LRP1B: variants seen among roughly 807,000 people sequenced by gnomAD.
LRP1B encodes low-density lipoprotein receptor-related protein 1B.
A neutral mutation model predicts 556.6 loss-of-function variants in LRP1B; 217 were observed. The ratio of observed to expected loss-of-function variants is 0.39; its 90% CI spans 0.35 to 0.44. The LOEUF (loss-of-function observed/expected upper bound fraction) is 0.44, where lower values mean the gene tolerates loss of function less well. Among genes scored for constraint, LRP1B ranks in the 20% least tolerant of loss-of-function variants. The pLI, the probability that LRP1B is intolerant of heterozygous loss-of-function variation, is 1.00. For missense variants in LRP1B, 5,053 were observed against 5,620.8 expected (o/e 0.90, Z 3.23); for synonymous variants, 2,047 against 1,865.8 (o/e 1.10, Z -2.50).
chr2:140,326,685 G>A (rs1442679318), intron 79 of LRP1B, among the ~76,000 whole-genome samples: 1 of 149,716 alleles, frequency 6.7e-6, no homozygotes, highest in African/African-American at 2.5e-5. Context: ...GCAACAGAGT[G>A]AGACCCCCTG....
intron 7 of LRP1B, among the ~76,000 whole-genome samples, chr2:141,173,825 TTC>T (rs1344959044): frequency 1.3e-5 from 2 of 152,182 alleles, no homozygotes; most frequent in African/African-American, 4.8e-5. Flanking sequence ...AAGTTTGCTC[TTC>T]TCTGTTCTTC....
At chr2:140,272,258 A>AACACACACACACACACAC (rs10654741) in intron 85 of LRP1B, among the ~76,000 whole-genome samples, 89 of 149,430 alleles carry the variant, frequency 6.0e-4, no homozygotes, top group African/African-American at 1.9e-3. Context: ...TGCACACACA[A>AACACACACACACACACAC]ACACACACAC....
intron 7 of LRP1B, among the ~76,000 whole-genome samples, chr2:141,145,692 C>A (rs1701764619): frequency 6.6e-6 from 1 of 151,544 alleles, no homozygotes; most frequent in Non-Finnish European, 1.5e-5. Context: ...CACCACCACG[C>A]CTGGCTAATT....
At chr2:140,521,026 A>C (rs1690148512) in intron 49 of LRP1B, among the ~76,000 whole-genome samples, 1 of 151,974 alleles carries the variant, frequency 6.6e-6, no homozygotes, top group African/African-American at 2.4e-5. Context: ...GAAAATGAAC[A>C]AAGCTTTTGA....
At chr2:140,406,636 G>C (rs1481738796) in intron 66 of LRP1B, among the ~76,000 whole-genome samples, 2 of 151,972 alleles carry the variant, frequency 1.3e-5, no homozygotes, top group East Asian at 3.8e-4. Flanking sequence ...ACTTAATAAA[G>C]GAGGTGAAAA....
At chr2:141,395,860 C>A (rs1690222636) in intron 3 of LRP1B, among the ~76,000 whole-genome samples, 2 of 152,042 alleles carry the variant, frequency 1.3e-5, no homozygotes, top group Admixed American at 6.6e-5. Context: ...AACCAGATCC[C>A]AAAGCGATAA....
At position 140,583,469 on chromosome 2, in the gene LRP1B, C is replaced by T. The variant is rs556443037; in HGVS notation, c.7194+15162G>A. On this transcript the variant is annotated intron_variant, in intron 43 of 90. Coordinates refer to ENST00000389484, the MANE Select transcript of LRP1B (RefSeq NM_018557.3). Reference sequence around the variant, plus strand: ...GGTATTACAGGCGTGAGCCACTGTGCCCAGCCAGTTTCTCCTTTAATATGT... The same window carrying T: ...GGTATTACAGGCGTGAGCCACTGTGTCCAGCCAGTTTCTCCTTTAATATGT... 5.9e-5 allele frequency among the ~76,000 whole-genome samples: 9 copies of T among 152,012 alleles called. 1 individual carries two copies. The South Asian group carries it at 1.9e-3, about 32-fold the overall frequency.
intron 3 of LRP1B, among the ~76,000 whole-genome samples, chr2:141,273,732 G>A (rs1685176303): frequency 6.6e-6 from 1 of 152,112 alleles, no homozygotes; most frequent in Non-Finnish European, 1.5e-5. Context: ...ACATGCATTG[G>A]ACTTAACAAA....
intron 1 of LRP1B, among the ~76,000 whole-genome samples, chr2:142,128,046 C>G (rs1254441727): frequency 6.6e-6 from 1 of 152,006 alleles, no homozygotes; most frequent in Non-Finnish European, 1.5e-5. Flanking sequence ...GTAATAAAAA[C>G]TTACATGTAC....
intron 2 of LRP1B, among the ~76,000 whole-genome samples, chr2:141,516,651 T>C (rs1380844401): frequency 2.0e-5 from 3 of 150,986 alleles, no homozygotes; most frequent in Non-Finnish European, 4.4e-5. Flanking sequence ...TACAATGAAG[T>C]ATTCCACCGG....
chr2:141,547,073 C>T (rs1327617441), intron 2 of LRP1B, among the ~76,000 whole-genome samples: 1 of 152,114 alleles, frequency 6.6e-6, no homozygotes, highest in African/African-American at 2.4e-5. Flanking sequence ...CCAGTATTGT[C>T]GTAGGTAAAC....
intron 3 of LRP1B, among the ~76,000 whole-genome samples, chr2:141,289,672 A>G (rs965166337): frequency 6.6e-6 from 1 of 152,178 alleles, no homozygotes; most frequent in Non-Finnish European, 1.5e-5. Context: ...TTACATGTAC[A>G]TAGTGCATTT....
chr2:140,575,786 A>G (rs1210650098), intron 43 of LRP1B, among the ~76,000 whole-genome samples: 1 of 151,812 alleles, frequency 6.6e-6, no homozygotes, highest in African/African-American at 2.4e-5. Flanking sequence ...TTAGCTGTGC[A>G]TGGTGGTGTG....
At chr2:141,022,095 A>G (rs553901910) in intron 11 of LRP1B, among the ~76,000 whole-genome samples, 15 of 151,918 alleles carry the variant, frequency 9.9e-5, no homozygotes, top group African/African-American at 3.1e-4. Context: ...TAAAAATAGT[A>G]TATAAATAAA....
intron 6 of LRP1B, among the ~76,000 whole-genome samples, chr2:141,195,898 G>T (rs1176037807): frequency 6.6e-6 from 1 of 152,008 alleles, no homozygotes; most frequent in Non-Finnish European, 1.5e-5. Context: ...GCCATCCTGA[G>T]AAGGATGGTA....
chr2:141,207,681 G>A (rs1342990748), intron 6 of LRP1B, among the ~76,000 whole-genome samples: 2 of 150,412 alleles, frequency 1.3e-5, no homozygotes, highest in East Asian at 1.9e-4. Context: ...TTTTGTTTTT[G>A]TTTTTGTTTT....
intron 83 of LRP1B, among the ~76,000 whole-genome samples, chr2:140,312,539 C>G (rs186746358): frequency 6.6e-6 from 1 of 151,994 alleles, no homozygotes; most frequent in Non-Finnish European, 1.5e-5. Flanking sequence ...TTAATGATAT[C>G]TATGATGCAT....
At chr2:141,862,420 G>A (rs77279465) in intron 1 of LRP1B, among the ~76,000 whole-genome samples, 1,788 of 152,036 alleles carry the variant, frequency 0.012, 48 homozygotes, top group African/African-American at 0.041. Flanking sequence ...CTGAAATTAC[G>A]TGAAAAAAAA....
In LRP1B at chr2:140,951,911, A is replaced by G; in HGVS notation, c.2917T>C (p.Phe973Leu). Reference protein sequence around the residue: ...EFPTCEPLTQFVCKSGRCISS... With the variant: ...EFPTCEPLTQLVCKSGRCISS... ...ATGCATCTTCCACTTTTGCATACGA[A>G]TTGGGTTAGTGGCTCACAAGTTGGG... The change falls in exon 19 of 91, where the codon TTC becomes CTC. Residue 973 changes from phenylalanine to leucine, a missense_variant. Physicochemically the swap from Phe to Leu is conservative, Grantham distance 22 (BLOSUM62 0). Transcript: ENST00000389484. 6.2e-7 allele frequency: 1 copy of G among 1,614,000 alleles called. No homozygotes were observed. The highest frequency in any genetic ancestry group is 8.5e-7 in the Non-Finnish European group (1 of 1,179,884).
Sources: gnomAD v4.1 joint callset for allele counts (sites outside exome capture counted in the v4.1 genomes callset) on GRCh38, gnomAD v4.1.1 for gene constraint, MANE v1.5 for transcripts, NCBI Gene and HGNC (gene_info 2026-07-23, HGNC 2026-07-21) for gene names.